LIMD2: variants seen among roughly 807,000 people sequenced by gnomAD.
LIMD2 encodes the protein LIM domain-containing protein 2.
A neutral mutation model predicts 16.0 loss-of-function variants in LIMD2; 11 were observed. The observed-to-expected ratio is 0.69, with a 90% CI of 0.43 to 1.14. The LOEUF is 1.14. LIMD2 is among the 50% of genes most tolerant of loss of function. The pLI is 0.00. For missense variants in LIMD2, 168 were observed against 165.8 expected, an observed-to-expected ratio of 1.01 and a Z score of -0.07; for synonymous variants, 60 against 67.1, an observed-to-expected ratio of 0.89 and a Z score of 0.52.
In LIMD2 at chr17:63,699,277, C is replaced by A. The variant is rs751236539; in HGVS notation, c.22G>T (p.Ala8Ser). Residue 8 changes from alanine to serine, a missense_variant, in exon 2 of 5, where the codon GCC becomes TCC. By Grantham distance (99) the Ala-to-Ser change is moderately conservative. Transcript: ENST00000259006. ...CTTACATGAGAGGGGGTGGCCTGGG[C>A]GGCTCCTGCAGCCTGGAACATGGCT... MFQAAGA[A>S]QATPSHDAKG... The A allele has an allele frequency of 6.2e-7, 1 of 1,610,648 alleles. No individual in the cohort carries two copies. The highest frequency in any genetic ancestry group is 8.5e-7 in the Non-Finnish European group (1 of 1,178,968).
intron 2 of LIMD2, 65 bp from the exon 3 acceptor site, chr17:63,699,134 T>G: frequency 2.5e-6 from 4 of 1,578,522 alleles, no homozygotes; most frequent in South Asian, 1.1e-5. Flanking sequence ...GCTGCAGCCA[T>G]CAGCCCAAGG....
At chr17:63,699,769 A>C in intron 1 of LIMD2, 3 of 642,534 alleles carry the variant, frequency 4.7e-6, no homozygotes, top group Non-Finnish European at 3.9e-6. Context: ...ACAGCGCCCG[A>C]GGTCCCCGCC....
At chr17:63,699,943 G>C (rs1473419964) in intron 1 of LIMD2, 89 bp downstream of exon 1, 1 of 983,568 alleles carries the variant, frequency 1.0e-6, no homozygotes, top group Non-Finnish European at 1.2e-6. Flanking sequence ...CAGACTCGCC[G>C]GGACCCCACG....
Position 63,698,522 on chromosome 17 carries a change from C to T in LIMD2, c.*30G>A. 6.2e-7 allele frequency: 1 copy of T among 1,608,902 alleles called. No individual in the cohort carries two copies. Among genetic ancestry groups the T allele is most frequent in the Non-Finnish European group, 8.5e-7 (1 of 1,177,848 alleles). On this transcript the variant is annotated 3_prime_UTR_variant, in exon 5 of 5. Coordinates refer to ENST00000259006, the MANE Select transcript of LIMD2 (RefSeq NM_030576.4). The stretch of plus-strand genomic sequence containing the variant: ...CTTCCCCCTGCCGGCTCCAGGCCTT[C>T]CGCAGAGGGGGTGGAAGGTTACAGA...
rs763592572 is a variant in LIMD2 at position 63,698,508 on chromosome 17, C to G, written c.*44G>C. Reference sequence around the variant, plus strand: ...GACCTCCTTCCCACCTTCCCCCTGCCGGCTCCAGGCCTTCCGCAGAGGGGG... The same window carrying G: ...GACCTCCTTCCCACCTTCCCCCTGCGGGCTCCAGGCCTTCCGCAGAGGGGG... On this transcript the variant is annotated 3_prime_UTR_variant, in exon 5 of 5. Transcript: ENST00000259006. 2 of 1,599,194 alleles carry G rather than the reference C, an allele frequency of 1.3e-6. No individual in the cohort carries two copies. Among genetic ancestry groups the G allele is most frequent in the South Asian group, 2.2e-5 (2 of 89,770 alleles).
In LIMD2 at chr17:63,696,341, G is replaced by C. The variant is rs2035692796; in HGVS notation, c.*2211C>G. 1 of 152,538 alleles carries C rather than the reference G, an allele frequency of 6.6e-6. No homozygotes were observed. Among genetic ancestry groups the C allele is most frequent in the Non-Finnish European group, 1.5e-5 (1 of 68,070 alleles). 9.4% of individuals were successfully genotyped at this position (152,538 alleles called of 1,614,324 possible). ...CCTGTGGCAGTGCTTTCAGTTGTGG[G>C]GGGTGGAGGTAGGTTTTTGCTTAGC... is the stretch of plus-strand genomic sequence containing the variant. On this transcript the variant is annotated 3_prime_UTR_variant, in exon 5 of 5. Transcript: ENST00000259006.
At position 63,698,725 on chromosome 17, in the gene LIMD2, A is replaced by G. The variant is rs1391732053; in HGVS notation, c.225-14T>C. On this transcript the variant is annotated splice_polypyrimidine_tract_variant and intron_variant, in intron 4 of 4. Coordinates refer to ENST00000259006, the MANE Select transcript of LIMD2 (RefSeq NM_030576.4). Reference sequence around the variant, plus strand: ...TAGCTGCCCAGGCTGCAGAAGCCAAACAACGGCGTCAGGTCAGGTCAGGTC... The same window carrying G: ...TAGCTGCCCAGGCTGCAGAAGCCAAGCAACGGCGTCAGGTCAGGTCAGGTC... 1.2e-6 allele frequency: 2 copies of G among 1,612,692 alleles called. No individual in the cohort carries two copies. The highest frequency in any genetic ancestry group is 1.7e-6 in the Non-Finnish European group (2 of 1,179,738).
rs1379564940 is a variant in LIMD2 at position 63,699,161 on chromosome 17, A to T, written c.43-92T>A. On this transcript the variant is annotated intron_variant, in intron 2 of 4. Transcript: ENST00000259006. The stretch of plus-strand genomic sequence containing the variant: ...AGCCCAAGGCCCAGGGGCGCGCCGC[A>T]GGGCACAAAGGGGGCCGGCAAACTC... 9 of 1,582,652 alleles carry T rather than the reference A, an allele frequency of 5.7e-6. No homozygotes were observed. In the Admixed American group the frequency reaches 1.6e-4, roughly 29 times the overall value.
upstream of LIMD2, chr17:63,700,165 G>T (rs1053896232): frequency 2.0e-6 from 2 of 981,080 alleles, no homozygotes; most frequent in African/African-American, 3.5e-5. The surrounding 1 kb of genome is among the most constrained non-coding windows in gnomAD (Gnocchi z 7.1). Context: ...TCGCTGCACC[G>T]CCCCCGCCGG....
chr17:63,700,237 G>T, upstream of LIMD2: 10 of 847,996 alleles, frequency 1.2e-5, no homozygotes, highest in Non-Finnish European at 1.4e-5. The surrounding 1 kb of genome is among the most constrained non-coding windows in gnomAD (Gnocchi z 7.1). Context: ...GGGCCCCGGC[G>T]CCGCCGCCGA....
intron 1 of LIMD2, chr17:63,699,678 A>C: frequency 3.2e-6 from 1 of 315,308 alleles, no homozygotes; most frequent in Admixed American, 6.3e-5. Flanking sequence ...CGCGATGAGA[A>C]GCCGCTGCCC....
chr17:63,700,228 G>A (rs973203643), upstream of LIMD2: 11 of 920,950 alleles, frequency 1.2e-5, no homozygotes, highest in Non-Finnish European at 1.4e-5. This position sits in a 1 kb window ranked among gnomAD's most constrained non-coding sequence, Gnocchi z 7.1. Flanking sequence ...CCGCCTTCGG[G>A]GCCCCGGCGC....
In LIMD2 at chr17:63,696,650, C is replaced by A. The variant is rs2035698120; in HGVS notation, c.*1902G>T. On this transcript the variant is annotated 3_prime_UTR_variant, in exon 5 of 5. Transcript: ENST00000259006. ...AGGGTCTTCCTGGCCCAGAGGACTT[C>A]CTTCAGTCCCATCTTTGCAGGGCAG... 1 of 152,288 alleles carries A rather than the reference C, an allele frequency of 6.6e-6. No homozygotes were observed. The highest frequency in any genetic ancestry group is 2.4e-5 in the African/African-American group (1 of 41,442). 9.4% of individuals were successfully genotyped at this position (152,288 alleles called of 1,614,324 possible).
chr17:63,700,325 C>T (rs1462483058), upstream of LIMD2: 24 of 269,058 alleles, frequency 8.9e-5, no homozygotes, highest in Non-Finnish European at 1.2e-4. The surrounding 1 kb of genome is among the most constrained non-coding windows in gnomAD (Gnocchi z 7.1). Context: ...GCGCTCCCGG[C>T]TCCGCAGCGC....
At position 63,697,576 on chromosome 17, in the gene LIMD2, G is replaced by A. The variant is rs908635670; in HGVS notation, c.*976C>T. 6.6e-6 allele frequency: 1 copy of A among 152,216 alleles called. No individual in the cohort carries two copies. Among genetic ancestry groups the A allele is most frequent in the Admixed American group, 6.5e-5 (1 of 15,270 alleles). 9.4% of individuals were successfully genotyped at this position (152,216 alleles called of 1,614,324 possible). On this transcript the variant is annotated 3_prime_UTR_variant, in exon 5 of 5. Coordinates refer to ENST00000259006, the MANE Select transcript of LIMD2 (RefSeq NM_030576.4). ...TGGGTCTGAACCAACCCAGAACTGAGGGGTGAGGTGGAGTTTCAGTTCCAA... is the reference window on the plus strand; with the variant it reads ...TGGGTCTGAACCAACCCAGAACTGAAGGGTGAGGTGGAGTTTCAGTTCCAA...
rs2035714503 is a variant in LIMD2 at position 63,697,831 on chromosome 17, A to ATGTT, written c.*717_*720dup. 6.6e-6 allele frequency: 1 copy of ATGTT among 152,486 alleles called. No homozygotes were observed. Among genetic ancestry groups the ATGTT allele is most frequent in the Admixed American group, 6.5e-5 (1 of 15,292 alleles). The allele number at this position is 152,486 out of a possible 1,614,324, so 9.4% of individuals were successfully genotyped here. A position where few individuals can be genotyped will look rare whatever the true frequency, so the allele number is the denominator to read the frequency against. On this transcript the variant is annotated 3_prime_UTR_variant, in exon 5 of 5. Transcript: ENST00000259006. The stretch of plus-strand genomic sequence containing the variant: ...ATAGAGAATCTGGATCTATTGAAAC[A>ATGTT]TGTTTAAAACGGGGTTGGTCACAAC...
In LIMD2 at chr17:63,698,416, G is replaced by T; in HGVS notation, c.*136C>A. The T allele has an allele frequency of 2.0e-6, 2 of 1,001,616 alleles. No individual in the cohort carries two copies. The highest frequency in any genetic ancestry group is 2.9e-6 in the Non-Finnish European group (2 of 697,352). The allele number at this position is 1,001,616 out of a possible 1,614,324, so 62.0% of individuals were successfully genotyped here. On this transcript the variant is annotated 3_prime_UTR_variant, in exon 5 of 5. Coordinates refer to ENST00000259006, the MANE Select transcript of LIMD2 (RefSeq NM_030576.4). ...GGAAGGAGTCCTGGAGCAGAGCCCT[G>T]CCCTGGTCCCCTACGCCTGAGCAAG... is the stretch of plus-strand genomic sequence containing the variant.
rs141327608 is a variant in LIMD2, at chr17:63,698,342, A to C, written c.*210T>G. ...AAGCAGGAAGCAGGGTGGTGGGCAGACCCCAATCCTGGTTTCCAAACCCTC... is the reference window on the plus strand; with the variant it reads ...AAGCAGGAAGCAGGGTGGTGGGCAGCCCCCAATCCTGGTTTCCAAACCCTC... On this transcript the variant is annotated 3_prime_UTR_variant, in exon 5 of 5. Coordinates refer to ENST00000259006, the MANE Select transcript of LIMD2 (RefSeq NM_030576.4). The C allele has an allele frequency of 3.2e-6, 2 of 632,352 alleles. No homozygotes were observed. Among genetic ancestry groups the C allele is most frequent in the East Asian group, 2.8e-5 (1 of 35,550 alleles). 39.2% of individuals were successfully genotyped at this position (632,352 alleles called of 1,614,324 possible).
intron 1 of LIMD2, chr17:63,699,609 C>T (rs565944855): frequency 1.8e-5 from 6 of 337,520 alleles, no homozygotes; most frequent in Admixed American, 4.8e-5. Context: ...GCGCAGCCGC[C>T]GTGTGCGTCC....
Sources: gnomAD v4.1 joint callset for allele counts on GRCh38, gnomAD v4.1.1 for gene constraint, Gnocchi (gnomAD v3.1) non-coding constraint, MANE v1.5 for transcripts, NCBI Gene and HGNC (gene_info 2026-07-23, HGNC 2026-07-21) for gene names.